ASIC2: variants seen among roughly 807,000 people sequenced by gnomAD.
The protein encoded by ASIC2 is acid-sensing ion channel 2.
ASIC2 carries 25 observed loss-of-function variants against 57.3 expected under a neutral mutation model. The ratio of observed to expected loss-of-function variants is 0.44; its 90% confidence interval spans 0.32 to 0.61. The LOEUF (loss-of-function observed/expected upper bound fraction) is 0.61. ASIC2 is among the 20% of genes least tolerant of loss of function. The pLI, the probability that ASIC2 is intolerant of heterozygous loss-of-function variation, is 0.06. For missense variants in ASIC2, 641 were observed against 738.1 expected, an observed-to-expected ratio of 0.87 and a Z score of 1.52; for synonymous variants, 319 against 307.5, an observed-to-expected ratio of 1.04 and a Z score of -0.39.
upstream of ASIC2, among the ~76,000 whole-genome samples, chr17:33,298,182 C>G (rs12938235): frequency 6.6e-6 from 1 of 151,574 alleles, no homozygotes; most frequent in Non-Finnish European, 1.5e-5. Flanking sequence ...TTGTTACATA[C>G]GTATACATGT....
At chr17:33,744,374 A>C (rs1355094143) in intron 1 of ASIC2, among the ~76,000 whole-genome samples, 1 of 152,240 alleles carries the variant, frequency 6.6e-6, no homozygotes. Flanking sequence ...TGTAATACCA[A>C]ATCAGGAAGA....
intron 1 of ASIC2, among the ~76,000 whole-genome samples, chr17:33,215,228 G>T (rs561834518): frequency 6.6e-6 from 1 of 152,190 alleles, no homozygotes; most frequent in African/African-American, 2.4e-5. Flanking sequence ...ATTCTCATAC[G>T]ATTCTGGGGA....
At chr17:33,046,591 T>C (rs989224559) in intron 3 of ASIC2, among the ~76,000 whole-genome samples, 1 of 151,912 alleles carries the variant, frequency 6.6e-6, no homozygotes, top group Non-Finnish European at 1.5e-5. Context: ...CCGCCTGTCC[T>C]CCCCTCCAGC....
At position 33,619,157 on chromosome 17, in the gene ASIC2, C is replaced by T. The variant is rs560539263; in HGVS notation, c.556-507090G>A. ...ATACACAGGTACTTGAATCAAAGTA[C>T]GGATGAGTCAAACTTGTCTGTAAAT... On this transcript the variant is annotated intron_variant, in intron 1 of 9. Transcript: ENST00000359872. Among the ~76,000 whole-genome samples the T allele has an allele frequency of 1.1e-4, 16 of 152,226 alleles. No homozygotes were observed. In the East Asian group the frequency reaches 1.5e-3, roughly 15 times the overall value.
chr17:33,579,190 G>A (rs1381782915), intron 1 of ASIC2, among the ~76,000 whole-genome samples: 2 of 151,386 alleles, frequency 1.3e-5, no homozygotes, highest in Middle Eastern at 3.2e-3. Context: ...AGAGGCTGAG[G>A]CAGGAGAATC....
intron 1 of ASIC2, among the ~76,000 whole-genome samples, chr17:33,237,963 C>T (rs1174495611): frequency 6.6e-6 from 1 of 152,174 alleles, no homozygotes; most frequent in Non-Finnish European, 1.5e-5. Context: ...CACTATCTCA[C>T]TAAATCCTTC....
intron 1 of ASIC2, among the ~76,000 whole-genome samples, chr17:34,154,189 C>T (rs990225873): frequency 3.3e-5 from 5 of 152,142 alleles, no homozygotes; most frequent in South Asian, 2.1e-4. Flanking sequence ...CCAAGCTGCA[C>T]GGTGCAGTGG....
intron 1 of ASIC2, chr17:33,932,588 C>CT (rs1915953877): frequency 6.6e-6 from 1 of 150,846 alleles, no homozygotes; most frequent in Non-Finnish European, 1.5e-5. Context: ...TGGCACATGC[C>CT]TGTAATCTCA....
chr17:33,774,503 C>T (rs1911206261), intron 1 of ASIC2, among the ~76,000 whole-genome samples: 1 of 152,150 alleles, frequency 6.6e-6, no homozygotes, highest in Non-Finnish European at 1.5e-5. Flanking sequence ...AAGATGGCTG[C>T]TCCACCTCAG....
chr17:34,029,891 G>A (rs1907525278), intron 1 of ASIC2, among the ~76,000 whole-genome samples: 1 of 152,178 alleles, frequency 6.6e-6, no homozygotes. Context: ...AATAGACCCT[G>A]CCTGGCAGAT....
chr17:33,814,301 A>G (rs1912514827), intron 1 of ASIC2, among the ~76,000 whole-genome samples: 1 of 152,226 alleles, frequency 6.6e-6, no homozygotes, highest in African/African-American at 2.4e-5. Flanking sequence ...ACTTCCCGGC[A>G]TGACTGAAGT....
intron 1 of ASIC2, among the ~76,000 whole-genome samples, chr17:33,879,482 T>C (rs556021363): frequency 2.0e-5 from 3 of 152,086 alleles, no homozygotes; most frequent in Admixed American, 1.3e-4. Flanking sequence ...AGACTTTAAA[T>C]CAACAAAGAT....
intron 1 of ASIC2, among the ~76,000 whole-genome samples, chr17:33,419,665 A>G (rs1474751590): frequency 1.3e-5 from 2 of 152,238 alleles, no homozygotes; most frequent in African/African-American, 4.8e-5. Context: ...ATATACTGGT[A>G]CATGTGGGCA....
intron 1 of ASIC2, among the ~76,000 whole-genome samples, chr17:33,197,513 A>G (rs889212672): frequency 1.3e-5 from 2 of 152,220 alleles, no homozygotes; most frequent in Non-Finnish European, 2.9e-5. Context: ...TTCTCTGCCT[A>G]AATGACTCCA....
chr17:34,028,991 T>C (rs1481153595), intron 1 of ASIC2, among the ~76,000 whole-genome samples: 1 of 152,220 alleles, frequency 6.6e-6, no homozygotes, highest in African/African-American at 2.4e-5. Flanking sequence ...CTTCTTTAGA[T>C]AGCCTTGTAG....
At chr17:33,959,123 A>G (rs141225739) in intron 1 of ASIC2, among the ~76,000 whole-genome samples, 1 of 152,196 alleles carries the variant, frequency 6.6e-6, no homozygotes, top group Non-Finnish European at 1.5e-5. Context: ...AAGCCATTCA[A>G]CAAGACTCTA....
At chr17:33,579,313 G>C (rs564990484) in intron 1 of ASIC2, among the ~76,000 whole-genome samples, 5 of 149,926 alleles carry the variant, frequency 3.3e-5, no homozygotes, top group African/African-American at 1.3e-4. Flanking sequence ...AATGCAGGTG[G>C]GTGACTCAGA....
intron 1 of ASIC2, among the ~76,000 whole-genome samples, chr17:33,442,909 G>A (rs1424080294): frequency 3.9e-5 from 6 of 152,004 alleles, no homozygotes; most frequent in East Asian, 3.9e-4. Flanking sequence ...CAAATGGCAG[G>A]GTTTTCATAG....
chr17:33,153,379 G>C (rs762854844), intron 1 of ASIC2, among the ~76,000 whole-genome samples: 10 of 152,234 alleles, frequency 6.6e-5, no homozygotes, highest in Non-Finnish European at 1.3e-4. Context: ...CTGGTTCCAT[G>C]ATTTGGGGGC....
Sources: gnomAD v4.1 joint callset for allele counts (sites outside exome capture counted in the v4.1 genomes callset) on GRCh38, gnomAD v4.1.1 for gene constraint, MANE v1.5 for transcripts, NCBI Gene and HGNC (gene_info 2026-07-23, HGNC 2026-07-21) for gene names.